The following C12orf60 variants were observed in gnomAD, a reference collection of about 807,000 sequenced individuals.
C12orf60 encodes the protein chromosome 12 open reading frame 60.
For synonymous variants in C12orf60, 102 were observed against 94.6 expected (o/e 1.08, Z -0.45); for missense variants, 284 against 283.2 (o/e 1.00, Z -0.02).
intron 1 of C12orf60, chr12:14,805,884 T>G: frequency 9.6e-7 from 1 of 1,038,938 alleles, no homozygotes; most frequent in South Asian, 1.6e-5. Flanking sequence ...CCTCTCCAAA[T>G]TGTTTATCTT....
chr12:14,812,414 G>A (rs1164191873), intron 1 of C12orf60, among the ~76,000 whole-genome samples: 6 of 152,036 alleles, frequency 3.9e-5, no homozygotes, highest in African/African-American at 1.2e-4. Context: ...ACTGCACGCC[G>A]GCCTGGGTGA....
At chr12:14,808,861 A>G (rs151062551) in intron 1 of C12orf60, among the ~76,000 whole-genome samples, 152 of 152,332 alleles carry the variant, frequency 1.0e-3, no homozygotes, top group African/African-American at 3.6e-3. Flanking sequence ...TCCTAATCCA[A>G]TTCCCTTTAA....
intron 1 of C12orf60, among the ~76,000 whole-genome samples, chr12:14,812,269 C>A (rs1434753205): frequency 1.3e-5 from 2 of 152,116 alleles, no homozygotes; most frequent in Non-Finnish European, 2.9e-5. Context: ...ACGGTGAAAC[C>A]CCGTCTCTAC....
chr12:14,815,524 T>C (rs1201609936), intron 1 of C12orf60, among the ~76,000 whole-genome samples: 3 of 152,066 alleles, frequency 2.0e-5, no homozygotes, highest in South Asian at 4.2e-4. Flanking sequence ...AAATTGAAAA[T>C]AGTTTGTAGA....
intron 1 of C12orf60, among the ~76,000 whole-genome samples, chr12:14,804,394 C>A (rs1950015798): frequency 6.6e-6 from 1 of 152,172 alleles, no homozygotes; most frequent in Non-Finnish European, 1.5e-5. Context: ...ACCTGACTAT[C>A]CCATGTAGGA....
intron 1 of C12orf60, among the ~76,000 whole-genome samples, chr12:14,819,360 C>CA (rs1950272044): frequency 6.6e-6 from 1 of 152,048 alleles, no homozygotes; most frequent in East Asian, 1.9e-4. Flanking sequence ...GAATAGAAAA[C>CA]AATCGATATT....
intron 1 of C12orf60, 54 bp from the exon 2 acceptor site, chr12:14,822,858 A>T: frequency 7.0e-7 from 1 of 1,436,146 alleles, no homozygotes; most frequent in South Asian, 1.4e-5. Flanking sequence ...CAGTTTCTTT[A>T]TGGTTGCCAA....
chr12:14,818,176 GGTT>G (rs1475766255), intron 1 of C12orf60, among the ~76,000 whole-genome samples: 1 of 151,846 alleles, frequency 6.6e-6, no homozygotes, highest in Non-Finnish European at 1.5e-5. Context: ...TTTTTGATAG[GGTT>G]GTAAATTTGT....
At chr12:14,804,272 C>G (rs752997403) in intron 1 of C12orf60, among the ~76,000 whole-genome samples, 2 of 152,158 alleles carry the variant, frequency 1.3e-5, no homozygotes, top group Non-Finnish European at 2.9e-5. Context: ...CGCCCTTTCC[C>G]TACCTTCTAT....
At chr12:14,809,321 A>G (rs963621715) in intron 1 of C12orf60, among the ~76,000 whole-genome samples, 22 of 152,194 alleles carry the variant, frequency 1.4e-4, no homozygotes, top group African/African-American at 4.8e-4. Flanking sequence ...TTCACGAATT[A>G]ATCGTAAAAT....
At chr12:14,813,563 C>T (rs1389308707) in intron 1 of C12orf60, among the ~76,000 whole-genome samples, 2 of 152,220 alleles carry the variant, frequency 1.3e-5, no homozygotes, top group Non-Finnish European at 2.9e-5. Flanking sequence ...ACTGGTGAAG[C>T]CTCTACTGTG....
chr12:14,814,325 A>G (rs899629525), intron 1 of C12orf60: 3 of 152,182 alleles, frequency 2.0e-5, no homozygotes, highest in Admixed American at 6.5e-5. Flanking sequence ...TTCATTTCCT[A>G]TTAATAAAAA....
At chr12:14,820,682 AG>A (rs879428532) in intron 1 of C12orf60, among the ~76,000 whole-genome samples, 1 of 152,034 alleles carries the variant, frequency 6.6e-6, no homozygotes, top group Non-Finnish European at 1.5e-5. Context: ...TATTAAGAGA[AG>A]ATTTATTGTC....
intron 1 of C12orf60, among the ~76,000 whole-genome samples, chr12:14,820,330 T>C (rs1176454630): frequency 6.6e-6 from 1 of 152,044 alleles, no homozygotes; most frequent in East Asian, 1.9e-4. Flanking sequence ...TATCTATTTT[T>C]TCTGTTTTCA....
At chr12:14,816,144 G>A (rs1950213702) in intron 1 of C12orf60, among the ~76,000 whole-genome samples, 3 of 152,036 alleles carry the variant, frequency 2.0e-5, no homozygotes, top group African/African-American at 7.2e-5. Flanking sequence ...CATTTTCTTA[G>A]TGTAGATCTT....
At chr12:14,812,336 TG>T (rs1440358597) in intron 1 of C12orf60, among the ~76,000 whole-genome samples, 3 of 151,910 alleles carry the variant, frequency 2.0e-5, no homozygotes, top group Admixed American at 1.3e-4. Flanking sequence ...CCCAGCTACT[TG>T]GGAGGCTGAG....
chr12:14,819,203 T>A (rs1950269575), intron 1 of C12orf60, among the ~76,000 whole-genome samples: 1 of 152,170 alleles, frequency 6.6e-6, no homozygotes, highest in African/African-American at 2.4e-5. Context: ...TTCTTTGATT[T>A]TTTTTACTTC....
Position 14,824,206 on chromosome 12 carries a change from T to G in C12orf60, c.*533T>G, listed in dbSNP as rs2137292464. The G allele has an allele frequency of 6.6e-6, 1 of 152,408 alleles. No individual in the cohort carries two copies. The highest frequency in any genetic ancestry group is 1.5e-5 in the Non-Finnish European group (1 of 68,112). 9.4% of individuals were successfully genotyped at this position (152,408 alleles called of 1,614,324 possible). A position where few individuals can be genotyped will look rare whatever the true frequency, so the allele number is the denominator to read the frequency against. ...GAACAGTGAATGAGCAATAATAGAC[T>G]TTTCTTGCTTATGTGAGTAAGACCA... is the stretch of plus-strand genomic sequence containing the variant. On this transcript the variant is annotated 3_prime_UTR_variant, in exon 2 of 2. Coordinates refer to ENST00000330828, the MANE Select transcript of C12orf60 (RefSeq NM_175874.4).
chr12:14,810,584 C>T (rs181574394), intron 1 of C12orf60, among the ~76,000 whole-genome samples: 33 of 152,142 alleles, frequency 2.2e-4, no homozygotes, highest in African/African-American at 7.2e-4. Context: ...AGTAATATGT[C>T]GTACAAAATT....
Sources: gnomAD v4.1 joint callset for allele counts (sites outside exome capture counted in the v4.1 genomes callset) on GRCh38, gnomAD v4.1.1 for gene constraint, MANE v1.5 for transcripts, NCBI Gene and HGNC (gene_info 2026-07-23, HGNC 2026-07-21) for gene names.